DCDC2C: variants seen among roughly 807,000 people sequenced by gnomAD.
The protein encoded by DCDC2C is doublecortin domain-containing protein 2C.
Under a neutral mutation model 45.0 loss-of-function variants are expected in DCDC2C, and 44 were observed. That is an observed-to-expected ratio of 0.98 (90% CI 0.77 to 1.26). The LOEUF (loss-of-function observed/expected upper bound fraction) is 1.26, where lower values mean the gene tolerates loss of function less well. Ranked by LOEUF, DCDC2C falls within the 50% of genes most tolerant of loss-of-function variation. DCDC2C has a pLI of 0.00. For missense variants in DCDC2C, 447 were observed against 468.9 expected (o/e 0.95, Z 0.43); for synonymous variants, 187 against 178.8 (o/e 1.05, Z -0.37).
rs560694299 is a variant in DCDC2C at position 3,815,387 on chromosome 2, C to A, written c.1065+30287C>A. 2.1e-4 allele frequency among the ~76,000 whole-genome samples: 32 copies of A among 152,304 alleles called. 1 individual carries two copies. Among genetic ancestry groups the A allele is most frequent in the Admixed American group, 8.5e-4 (13 of 15,298 alleles). ...CTCTTAGTCAGTTCTGATGAGAGAACCTGGATATCTTGGCTGCTGATGAAG... is the reference window on the plus strand; with the variant it reads ...CTCTTAGTCAGTTCTGATGAGAGAAACTGGATATCTTGGCTGCTGATGAAG... On this transcript the variant is annotated intron_variant, in intron 10 of 10. Transcript: ENST00000399143.
At chr2:3,842,131 G>A (rs1167802426) in intron 10 of DCDC2C, among the ~76,000 whole-genome samples, 2 of 152,060 alleles carry the variant, frequency 1.3e-5, no homozygotes, top group Non-Finnish European at 2.9e-5. Context: ...GCTGACCTTG[G>A]GCCAAGTGCT....
At chr2:3,742,470 C>CAGA (rs1470761033) in intron 4 of DCDC2C, among the ~76,000 whole-genome samples, 1 of 151,984 alleles carries the variant, frequency 6.6e-6, no homozygotes, top group Non-Finnish European at 1.5e-5. Context: ...TGCCATGGGA[C>CAGA]AGAAGAGCAT....
At chr2:3,810,719 C>T (rs555270741) in intron 10 of DCDC2C, among the ~76,000 whole-genome samples, 1 of 152,248 alleles carries the variant, frequency 6.6e-6, no homozygotes, top group Non-Finnish European at 1.5e-5. Context: ...TTGGGTTTTA[C>T]ATTTAAGTCT....
At chr2:3,825,927 G>C (rs139508841) in intron 10 of DCDC2C, among the ~76,000 whole-genome samples, 538 of 152,268 alleles carry the variant, frequency 3.5e-3, no homozygotes, top group Non-Finnish European at 6.0e-3. Flanking sequence ...CTGAGCCTTC[G>C]TGTCCTGAGG....
intron 10 of DCDC2C, among the ~76,000 whole-genome samples, chr2:3,790,998 T>C (rs1670793647): frequency 6.6e-6 from 1 of 152,082 alleles, no homozygotes; most frequent in Non-Finnish European, 1.5e-5. Flanking sequence ...TAGTCCCAGC[T>C]ACTCGGGAGG....
intron 2 of DCDC2C, among the ~76,000 whole-genome samples, chr2:3,713,743 T>C (rs1251483673): frequency 6.6e-6 from 1 of 152,262 alleles, no homozygotes; most frequent in Non-Finnish European, 1.5e-5. Context: ...GGATTAGATC[T>C]GTAGGGATTG....
At chr2:3,826,191 ACT>A (rs973210164) in intron 10 of DCDC2C, among the ~76,000 whole-genome samples, 8 of 152,192 alleles carry the variant, frequency 5.3e-5, no homozygotes, top group Non-Finnish European at 1.0e-4. Context: ...TGCAGAGAAC[ACT>A]CAGTAGGGAA....
At chr2:3,807,196 T>C (rs755703903) in intron 10 of DCDC2C, among the ~76,000 whole-genome samples, 4 of 152,180 alleles carry the variant, frequency 2.6e-5, no homozygotes, top group Non-Finnish European at 4.4e-5. Flanking sequence ...ATCTTCCCTA[T>C]CAGATTGGGC....
At chr2:3,787,569 C>T (rs867753851) in intron 10 of DCDC2C, among the ~76,000 whole-genome samples, 22 of 152,280 alleles carry the variant, frequency 1.4e-4, no homozygotes, top group African/African-American at 4.8e-4. Context: ...TACTTACAGT[C>T]GACATTAACT....
chr2:3,800,636 T>G (rs1671090584), intron 10 of DCDC2C, among the ~76,000 whole-genome samples: 4 of 149,806 alleles, frequency 2.7e-5, no homozygotes, highest in Non-Finnish European at 3.0e-5. Context: ...ATCGTGTGGC[T>G]TCAATGCGCA....
intron 6 of DCDC2C, among the ~76,000 whole-genome samples, chr2:3,765,406 C>T (rs1226961109): frequency 6.6e-6 from 1 of 152,134 alleles, no homozygotes; most frequent in Non-Finnish European, 1.5e-5. Context: ...GGAGGATGAG[C>T]TGTCATAAGA....
rs1672373374 is a variant in DCDC2C, at chr2:3,847,888, G to C, written c.*705G>C. ...CTCTCCTGCTCTGCCATGTGAAAAA[G>C]ATTCTTGCTTCCCCTTCGCCCTTCT... On this transcript the variant is annotated 3_prime_UTR_variant, in exon 11 of 11. Coordinates refer to ENST00000399143, the MANE Select transcript of DCDC2C (RefSeq NM_001287444.2). Among the ~76,000 whole-genome samples, 1 of 152,078 alleles carries C rather than the reference G, an allele frequency of 6.6e-6. No homozygotes were observed. Among genetic ancestry groups the C allele is most frequent in the Non-Finnish European group, 1.5e-5 (1 of 68,020 alleles).
At chr2:3,842,436 A>C (rs1672235186) in intron 10 of DCDC2C, among the ~76,000 whole-genome samples, 1 of 151,882 alleles carries the variant, frequency 6.6e-6, no homozygotes, top group African/African-American at 2.4e-5. Flanking sequence ...CAGGGTGAGG[A>C]AGGGGGTGGT....
chr2:3,783,318 G>T (rs1364811399), intron 9 of DCDC2C, among the ~76,000 whole-genome samples: 2 of 152,076 alleles, frequency 1.3e-5, no homozygotes, highest in East Asian at 3.9e-4. Context: ...GGCCTATCCG[G>T]AGCTGTGCCT....
Position 3,703,628 on chromosome 2 carries a change from C to A in DCDC2C, c.-124C>A. The A allele has an allele frequency of 1.0e-6, 1 of 981,280 alleles. No homozygotes were observed. Among genetic ancestry groups the A allele is most frequent in the Non-Finnish European group, 1.3e-6 (1 of 767,940 alleles). 60.8% of individuals were successfully genotyped at this position (981,280 alleles called of 1,614,324 possible). On this transcript the variant is annotated 5_prime_UTR_variant, in exon 1 of 11. In the 5' UTR this introduces an upstream ATG that the reference lacks. Transcript: ENST00000399143. The surrounding 1 kb of genome is among the most constrained non-coding windows in gnomAD (Gnocchi z 4.4). The stretch of plus-strand genomic sequence containing the variant: ...GTCCCGTCCCCGTCCCGTCCCCGTC[C>A]TGCGCCAGCGGCTGGAGCGGACCTC...
chr2:3,844,902 A>G lies in DCDC2C; in HGVS notation c.1066-2252A>G, dbSNP rs537985193. Among the ~76,000 whole-genome samples the G allele has an allele frequency of 3.9e-5, 6 of 152,358 alleles. No homozygotes were observed. In the South Asian group the frequency reaches 8.3e-4, roughly 21 times the overall value. Reference sequence around the variant, plus strand: ...CACTTTGCGAACGGCACATGTTTACATAGTTATCTCTAACATGTTCTCCCT... The same window carrying G: ...CACTTTGCGAACGGCACATGTTTACGTAGTTATCTCTAACATGTTCTCCCT... On this transcript the variant is annotated intron_variant, in intron 10 of 10. Coordinates refer to ENST00000399143, the MANE Select transcript of DCDC2C (RefSeq NM_001287444.2).
At chr2:3,817,328 T>A (rs1365650667) in intron 10 of DCDC2C, among the ~76,000 whole-genome samples, 1 of 152,166 alleles carries the variant, frequency 6.6e-6, no homozygotes, top group African/African-American at 2.4e-5. Flanking sequence ...TGAGGAAACC[T>A]CTTTTTGCCC....
chr2:3,733,555 C>T lies in DCDC2C; in HGVS notation c.416+6476C>T, dbSNP rs537181573. On this transcript the variant is annotated intron_variant, in intron 3 of 10. Transcript: ENST00000399143. ...TTTATAAACAGCAGAAATTTTTTGC[C>T]CACAGTTCTGGAGGCTGGGAAGTCC... Among the ~76,000 whole-genome samples, 7 of 152,162 alleles carry T rather than the reference C, an allele frequency of 4.6e-5. No homozygotes were observed. The East Asian group carries it at 1.2e-3, about 25-fold the overall frequency.
chr2:3,771,870 G>T (rs1468664361), intron 8 of DCDC2C, among the ~76,000 whole-genome samples: 1 of 152,254 alleles, frequency 6.6e-6, no homozygotes, highest in African/African-American at 2.4e-5. Flanking sequence ...CAGGGAAGGT[G>T]CGTATATCCG....
Sources: gnomAD v4.1 joint callset for allele counts (sites outside exome capture counted in the v4.1 genomes callset) on GRCh38, gnomAD v4.1.1 for gene constraint, Gnocchi (gnomAD v3.1) non-coding constraint, MANE v1.5 for transcripts, NCBI Gene and HGNC (gene_info 2026-07-23, HGNC 2026-07-21) for gene names.